The following LRMDA variants were observed in gnomAD, a reference collection of about 807,000 sequenced individuals.
The protein encoded by LRMDA is leucine rich melanocyte differentiation associated.
Under a neutral mutation model 29.8 loss-of-function variants are expected in LRMDA, and 18 were observed. That is an observed-to-expected ratio of 0.60 (90% CI 0.42 to 0.90). The LOEUF (loss-of-function observed/expected upper bound fraction) is 0.90, where lower values mean the gene tolerates loss of function less well. LRMDA is among the 40% of genes least tolerant of loss of function. The pLI, the probability that LRMDA is intolerant of heterozygous loss-of-function variation, is 0.00. For synonymous variants in LRMDA, 125 were observed against 109.4 expected, an observed-to-expected ratio of 1.14 and a Z score of -0.89; for missense variants, 273 against 273.9, an observed-to-expected ratio of 1.00 and a Z score of 0.02.
At chr10:76,210,091 G>A (rs1462675338) in intron 5 of LRMDA, among the ~76,000 whole-genome samples, 3 of 152,212 alleles carry the variant, frequency 2.0e-5, no homozygotes, top group Non-Finnish European at 2.9e-5. Flanking sequence ...AGGCAGATCC[G>A]AGCTTTGGCT....
intron 5 of LRMDA, among the ~76,000 whole-genome samples, chr10:76,096,428 T>G (rs1409701390): frequency 1.3e-5 from 2 of 151,992 alleles, no homozygotes; most frequent in Admixed American, 1.3e-4. Flanking sequence ...TAATTGGCCA[T>G]GTACATTGGT....
At chr10:75,890,269 T>G (rs577798866) in intron 2 of LRMDA, among the ~76,000 whole-genome samples, 42 of 152,356 alleles carry the variant, frequency 2.8e-4, no homozygotes, top group African/African-American at 9.4e-4. Context: ...TTTAAAGATT[T>G]AAGCCTGAAA....
At chr10:76,176,478 C>T (rs1023237157) in intron 5 of LRMDA, among the ~76,000 whole-genome samples, 1 of 152,174 alleles carries the variant, frequency 6.6e-6, no homozygotes, top group Non-Finnish European at 1.5e-5. Context: ...ACAGTAAAAT[C>T]ATAGGCACTG....
intron 5 of LRMDA, among the ~76,000 whole-genome samples, chr10:76,201,813 A>G (rs939608245): frequency 6.6e-6 from 1 of 152,016 alleles, no homozygotes; most frequent in African/African-American, 2.4e-5. Context: ...GTAAAAAACT[A>G]CTCCCCACAA....
intron 6 of LRMDA, among the ~76,000 whole-genome samples, chr10:76,394,066 C>T (rs1233630380): frequency 1.3e-5 from 2 of 152,186 alleles, no homozygotes; most frequent in Non-Finnish European, 2.9e-5. Context: ...ACACAGGATA[C>T]ACCCTCTTCA....
intron 2 of LRMDA, among the ~76,000 whole-genome samples, chr10:75,697,173 T>C (rs918361299): frequency 6.6e-6 from 1 of 152,130 alleles, no homozygotes; most frequent in African/African-American, 2.4e-5. Flanking sequence ...TGTTTATTGA[T>C]TTTTTTGCCC....
At chr10:75,870,413 G>A (rs1305992523) in intron 2 of LRMDA, among the ~76,000 whole-genome samples, 1 of 152,180 alleles carries the variant, frequency 6.6e-6, no homozygotes, top group Non-Finnish European at 1.5e-5. Flanking sequence ...GGAGAATTAA[G>A]AAGTGAGTCA....
intron 6 of LRMDA, among the ~76,000 whole-genome samples, chr10:76,430,029 G>A (rs910846588): frequency 6.6e-6 from 1 of 152,182 alleles, no homozygotes; most frequent in African/African-American, 2.4e-5. Flanking sequence ...AAGCAAACAT[G>A]CTGTTTCTCT....
chr10:76,207,292 T>G (rs1223554693), intron 5 of LRMDA, among the ~76,000 whole-genome samples: 1 of 152,160 alleles, frequency 6.6e-6, no homozygotes, highest in East Asian at 1.9e-4. Context: ...CTCTATCTGG[T>G]CGATTCTGAC....
At chr10:75,730,991 C>G (rs888991027) in intron 2 of LRMDA, among the ~76,000 whole-genome samples, 8 of 152,102 alleles carry the variant, frequency 5.3e-5, no homozygotes, top group African/African-American at 1.7e-4. Context: ...CTGCCAGCTT[C>G]TGAAGTAATC....
intron 2 of LRMDA, among the ~76,000 whole-genome samples, chr10:75,774,326 G>A (rs1348652197): frequency 6.6e-6 from 1 of 152,020 alleles, no homozygotes; most frequent in Non-Finnish European, 1.5e-5. Context: ...GAAATTATGA[G>A]TACTGTAGGA....
chr10:75,580,100 G>T (rs143622385), intron 2 of LRMDA, among the ~76,000 whole-genome samples: 2 of 152,228 alleles, frequency 1.3e-5, no homozygotes, highest in East Asian at 1.9e-4. Context: ...AGAAATAAAG[G>T]GTATTCAATT....
At chr10:76,483,252 T>A (rs1589210771) in intron 6 of LRMDA, among the ~76,000 whole-genome samples, 1 of 151,996 alleles carries the variant, frequency 6.6e-6, no homozygotes, top group East Asian at 1.9e-4. Context: ...TGAGTGTTTT[T>A]AATTATCTAT....
intron 5 of LRMDA, among the ~76,000 whole-genome samples, chr10:76,105,008 T>C (rs1849457762): frequency 6.6e-6 from 1 of 152,192 alleles, no homozygotes; most frequent in Non-Finnish European, 1.5e-5. Context: ...TCCACTTGGC[T>C]AATTACCTTT....
chr10:75,808,876 C>T (rs1251834760), intron 2 of LRMDA, among the ~76,000 whole-genome samples: 2 of 152,200 alleles, frequency 1.3e-5, no homozygotes, highest in African/African-American at 4.8e-5. Context: ...CTTTGGTCAT[C>T]TCCACAATTA....
chr10:75,957,077 A>T (rs1846675825), intron 2 of LRMDA, among the ~76,000 whole-genome samples: 2 of 152,250 alleles, frequency 1.3e-5, no homozygotes. Context: ...AGTTCATGGT[A>T]GATACTTAAG....
intron 2 of LRMDA, among the ~76,000 whole-genome samples, chr10:75,629,252 T>C (rs1483590846): frequency 6.6e-6 from 1 of 152,188 alleles, no homozygotes; most frequent in East Asian, 1.9e-4. Flanking sequence ...TTCATCTAGT[T>C]GGGAAGAAAT....
At chr10:76,455,491 T>A (rs895130902) in intron 6 of LRMDA, among the ~76,000 whole-genome samples, 5 of 152,006 alleles carry the variant, frequency 3.3e-5, no homozygotes, top group African/African-American at 1.2e-4. Context: ...TACACCCCAG[T>A]AAAAACACTG....
chr10:75,996,180 T>C (rs1847458413), intron 2 of LRMDA, among the ~76,000 whole-genome samples: 1 of 152,206 alleles, frequency 6.6e-6, no homozygotes, highest in Non-Finnish European at 1.5e-5. Flanking sequence ...CTAAAATCTC[T>C]AAAACATAAT....
Sources: gnomAD v4.1 joint callset for allele counts (sites outside exome capture counted in the v4.1 genomes callset) on GRCh38, gnomAD v4.1.1 for gene constraint, MANE v1.5 for transcripts, NCBI Gene and HGNC (gene_info 2026-07-23, HGNC 2026-07-21) for gene names.